ZFAND3: variants seen among roughly 807,000 people sequenced by gnomAD.
The protein encoded by ZFAND3 is AN1-type zinc finger protein 3.
ZFAND3 carries 10 observed loss-of-function variants against 29.6 expected under a neutral mutation model. The ratio of observed to expected loss-of-function variants is 0.34; its 90% CI spans 0.21 to 0.57. ZFAND3 has a LOEUF of 0.57. ZFAND3 is among the 20% of genes least tolerant of loss of function. The probability of loss-of-function intolerance (pLI) is 0.86; values close to 1 mark genes in which losing one functional copy is unlikely to be tolerated. For missense variants in ZFAND3, 230 were observed against 304.5 expected, an observed-to-expected ratio of 0.76 and a Z score of 1.82; for synonymous variants, 128 against 112.6, an observed-to-expected ratio of 1.14 and a Z score of -0.87.
intron 5 of ZFAND3, among the ~76,000 whole-genome samples, chr6:38,121,399 CAA>C (rs1186126381): frequency 2.0e-5 from 3 of 152,142 alleles, no homozygotes; most frequent in Non-Finnish European, 4.4e-5. Context: ...AAACAAACAA[CAA>C]AAAACAAGAA....
intron 2 of ZFAND3, among the ~76,000 whole-genome samples, chr6:38,002,194 T>C (rs1160553338): frequency 2.0e-5 from 3 of 152,038 alleles, no homozygotes; most frequent in Non-Finnish European, 4.4e-5. Context: ...AATAAATACT[T>C]GCAAGCTCAA....
chr6:38,054,351 G>A (rs1331816781), intron 2 of ZFAND3, among the ~76,000 whole-genome samples: 3 of 149,634 alleles, frequency 2.0e-5, no homozygotes, highest in African/African-American at 7.4e-5. Flanking sequence ...CCATGTGTGT[G>A]CCACTGCACT....
intron 1 of ZFAND3, among the ~76,000 whole-genome samples, chr6:37,839,554 C>T (rs1477977631): frequency 2.1e-5 from 3 of 139,664 alleles, no homozygotes; most frequent in Admixed American, 1.5e-4. Flanking sequence ...CTCGCTCTGT[C>T]GCCAGGCTGG....
At chr6:37,876,022 C>T (rs1488483821) in intron 1 of ZFAND3, among the ~76,000 whole-genome samples, 1 of 152,030 alleles carries the variant, frequency 6.6e-6, no homozygotes, top group Admixed American at 6.6e-5. Flanking sequence ...ACCCTAAAAT[C>T]ACTTTTTTTT....
At chr6:37,970,653 C>T (rs1762370755) in intron 2 of ZFAND3, among the ~76,000 whole-genome samples, 2 of 152,270 alleles carry the variant, frequency 1.3e-5, no homozygotes, top group South Asian at 2.1e-4. Flanking sequence ...CCTGTAATCC[C>T]AGCACTTTGG....
chr6:38,077,287 T>G (rs569828623), intron 3 of ZFAND3, among the ~76,000 whole-genome samples: 1 of 152,136 alleles, frequency 6.6e-6, no homozygotes, highest in African/African-American at 2.4e-5. Context: ...TTTAGAACTG[T>G]GAGCCTGGAA....
chr6:38,059,588 G>GT (rs1458125541), intron 2 of ZFAND3, among the ~76,000 whole-genome samples: 1 of 152,132 alleles, frequency 6.6e-6, no homozygotes. Flanking sequence ...CTTTGAAAAG[G>GT]TTTAAGGCCA....
intron 2 of ZFAND3, among the ~76,000 whole-genome samples, chr6:37,987,256 G>C (rs1013940211): frequency 2.6e-5 from 4 of 152,190 alleles, no homozygotes; most frequent in Non-Finnish European, 4.4e-5. Context: ...GTTGCGGGTG[G>C]TGATGTTCAG....
chr6:38,073,802 A>G lies in ZFAND3; in HGVS notation c.296-8590A>G, dbSNP rs539138680. Among the ~76,000 whole-genome samples, 19 of 152,328 alleles carry G rather than the reference A, an allele frequency of 1.2e-4. No homozygotes were observed. The South Asian group carries it at 1.9e-3, about 15-fold the overall frequency. ...TACATCTGAAAAACTAAAATTGAAC[A>G]TATTTAACTGCTTACCCAGAATCCT... On this transcript the variant is annotated intron_variant, in intron 3 of 5. Coordinates refer to ENST00000287218, the MANE Select transcript of ZFAND3 (RefSeq NM_021943.3).
chr6:38,008,813 C>A (rs2127442712), intron 2 of ZFAND3, among the ~76,000 whole-genome samples: 1 of 151,714 alleles, frequency 6.6e-6, no homozygotes, highest in South Asian at 2.1e-4. Context: ...CTTGTAAGAC[C>A]TAGTTGAAGA....
At chr6:37,984,392 G>A (rs1234451588) in intron 2 of ZFAND3, among the ~76,000 whole-genome samples, 2 of 152,164 alleles carry the variant, frequency 1.3e-5, no homozygotes, top group Non-Finnish European at 2.9e-5. Flanking sequence ...AGAAGAGGGA[G>A]TATATTATCA....
intron 1 of ZFAND3, among the ~76,000 whole-genome samples, chr6:37,905,789 G>A (rs987485760): frequency 1.3e-5 from 2 of 151,908 alleles, no homozygotes; most frequent in Non-Finnish European, 2.9e-5. Flanking sequence ...AGCATAAGAT[G>A]GGAATGATAA....
At position 38,149,410 on chromosome 6, in the gene ZFAND3, CAAAA is replaced by C. The variant is rs35426126; in HGVS notation, c.530-2809_530-2806del. Among the ~76,000 whole-genome samples the C allele has an allele frequency of 7.9e-5, 7 of 88,314 alleles. No individual in the cohort carries two copies. In the Middle Eastern group the frequency reaches 0.019, roughly 237 times the overall value. 57.9% of individuals were successfully genotyped at this position (88,314 alleles called of 152,430 possible). A position where few individuals can be genotyped will look rare whatever the true frequency, so the allele number is the denominator to read the frequency against. On this transcript the variant is annotated intron_variant, in intron 5 of 5. Coordinates refer to ENST00000287218, the MANE Select transcript of ZFAND3 (RefSeq NM_021943.3). The stretch of plus-strand genomic sequence containing the variant: ...CTGGTGACAGAGCAAGACCCTGTCT[CAAAA>C]AAAAAAAAAAAAAAACCTAAGCCAA...
chr6:37,925,672 C>G (rs1171329967), intron 1 of ZFAND3, among the ~76,000 whole-genome samples: 1 of 149,876 alleles, frequency 6.7e-6, no homozygotes, highest in East Asian at 2.0e-4. Context: ...CTCCTGCACT[C>G]CAGCCTGGGC....
At chr6:37,905,970 T>G (rs1765399181) in intron 1 of ZFAND3, among the ~76,000 whole-genome samples, 1 of 152,104 alleles carries the variant, frequency 6.6e-6, no homozygotes, top group African/African-American at 2.4e-5. Flanking sequence ...GTAGAAAAAG[T>G]TATAGTAATT....
At chr6:38,086,269 T>A (rs1325573057) in intron 4 of ZFAND3, among the ~76,000 whole-genome samples, 3 of 151,924 alleles carry the variant, frequency 2.0e-5, no homozygotes, top group African/African-American at 4.8e-5. Context: ...TAAAAAAAAA[T>A]AAAAAAGCAA....
At chr6:37,925,629 A>G (rs965089785) in intron 1 of ZFAND3, among the ~76,000 whole-genome samples, 4 of 149,850 alleles carry the variant, frequency 2.7e-5, no homozygotes, top group Admixed American at 6.7e-5. Context: ...GCTTGAACCC[A>G]GGAGGCGGAG....
chr6:38,144,224 TA>T (rs1385569369), intron 5 of ZFAND3, among the ~76,000 whole-genome samples: 4 of 73,170 alleles, frequency 5.5e-5, no homozygotes, highest in East Asian at 5.4e-4. Flanking sequence ...ATATAATATA[TA>T]TATATATTTT....
intron 1 of ZFAND3, among the ~76,000 whole-genome samples, chr6:37,913,708 C>CTT (rs56045448): frequency 0.062 from 7,055 of 112,984 alleles, 472 homozygotes; most frequent in Non-Finnish European, 0.084. Context: ...CAGCTATATT[C>CTT]TTTTTTTTTT....
Sources: allele counts gnomAD v4.1 joint callset (sites outside exome capture counted in the v4.1 genomes callset), GRCh38; gene constraint gnomAD v4.1.1; transcripts MANE v1.5; gene names NCBI Gene and HGNC (gene_info 2026-07-23, HGNC 2026-07-21).